STK32B: variants seen among roughly 807,000 people sequenced by gnomAD.
STK32B encodes the protein serine/threonine kinase 32B, also known as serine/threonine-protein kinase 32B.
Under a neutral mutation model 52.6 loss-of-function variants are expected in STK32B, and 43 were observed. That is an observed-to-expected ratio of 0.82 (90% CI 0.64 to 1.05). The LOEUF (loss-of-function observed/expected upper bound fraction) is 1.05. STK32B is among the 50% of genes least tolerant of loss of function. The probability of loss-of-function intolerance (pLI) is 0.00; values close to 1 mark genes in which losing one functional copy is unlikely to be tolerated. For synonymous variants in STK32B, 238 were observed against 204.3 expected (o/e 1.17, Z -1.41); for missense variants, 621 against 534.6 (o/e 1.16, Z -1.59).
intron 4 of STK32B, among the ~76,000 whole-genome samples, chr4:5,342,648 A>ATGTTG (rs1733163721): frequency 6.6e-6 from 1 of 152,142 alleles, no homozygotes; most frequent in Admixed American, 6.5e-5. Flanking sequence ...CCCCACCTCC[A>ATGTTG]ACACTGGAAA....
Position 5,400,113 on chromosome 4 carries a change from G to C in STK32B, c.472+1869G>C, listed in dbSNP as rs528991731. The stretch of plus-strand genomic sequence containing the variant: ...CTAGCCATTGCACTGATGAGGAAAA[G>C]TGACACAGAGAGTATGGGGGTAACC... On this transcript the variant is annotated intron_variant, in intron 5 of 11. Coordinates refer to ENST00000282908, the MANE Select transcript of STK32B (RefSeq NM_018401.3). This position sits in a 1 kb window ranked among gnomAD's most constrained non-coding sequence, Gnocchi z 6.1. 1.3e-5 allele frequency among the ~76,000 whole-genome samples: 2 copies of C among 152,170 alleles called. No homozygotes were observed. Among genetic ancestry groups the C allele is most frequent in the South Asian group, 4.1e-4 (2 of 4,824 alleles).
At chr4:5,271,789 G>T in intron 3 of STK32B, among the ~76,000 whole-genome samples, 1 of 139,460 alleles carries the variant, frequency 7.2e-6, no homozygotes, top group Non-Finnish European at 1.5e-5. Context: ...GTTCACTCAT[G>T]ATTTGGCTCT....
At chr4:5,270,077 C>G (rs1204193323) in intron 3 of STK32B, among the ~76,000 whole-genome samples, 3 of 152,172 alleles carry the variant, frequency 2.0e-5, no homozygotes, top group South Asian at 4.2e-4. Flanking sequence ...GTAAAAAACT[C>G]AAGAAATTTG....
At chr4:5,404,670 C>T (rs1737534056) in intron 5 of STK32B, among the ~76,000 whole-genome samples, 1 of 151,906 alleles carries the variant, frequency 6.6e-6, no homozygotes. Flanking sequence ...AAATCATCAT[C>T]CCACTCAGGC....
In STK32B at chr4:5,492,823, G is replaced by A. The variant is rs868266613; in HGVS notation, c.1107-6122G>A. ...TTTGTCAAAGGCCTTTTCTGCATCT[G>A]TTGAGATAATCATGTGGTTTTTGTC... On this transcript the variant is annotated intron_variant, in intron 11 of 11. Transcript: ENST00000282908. 6.2e-4 allele frequency among the ~76,000 whole-genome samples: 93 copies of A among 150,940 alleles called. 2 individuals carry two copies. The highest frequency in any genetic ancestry group is 1.8e-3 in the African/African-American group (73 of 40,488).
At chr4:5,094,886 G>A (rs1466425001) in intron 1 of STK32B, among the ~76,000 whole-genome samples, 2 of 152,174 alleles carry the variant, frequency 1.3e-5, no homozygotes, top group Admixed American at 6.5e-5. Flanking sequence ...AATCAACAGT[G>A]CAATCTTAGG....
rs534361330 is a variant in STK32B, at chr4:5,335,548, T to G, written c.434+4155T>G. 8.5e-3 allele frequency among the ~76,000 whole-genome samples: 1,294 copies of G among 151,860 alleles called. 17 individuals are homozygous for G. The highest frequency in any genetic ancestry group is 0.03 in the African/African-American group (1,219 of 41,254). On this transcript the variant is annotated intron_variant, in intron 4 of 11. Coordinates refer to ENST00000282908, the MANE Select transcript of STK32B (RefSeq NM_018401.3). ...TTTGAATGTGGTTGCTCTTGCTTTT[T>G]TAGTTCTTTAAATTGTGATGTTAGG... is the stretch of plus-strand genomic sequence containing the variant.
rs1335135034 is a variant in STK32B at position 5,469,836 on chromosome 4, G to A, written c.1106+1766G>A. On this transcript the variant is annotated intron_variant, in intron 11 of 11. Transcript: ENST00000282908. This position sits in a 1 kb window ranked among gnomAD's most constrained non-coding sequence, Gnocchi z 4.7. Reference sequence around the variant, plus strand: ...GGGGCTGATGTCGTGAGTGGTTTCGGAGCTTATCCCAATTTGCCTGTGGTC... The same window carrying A: ...GGGGCTGATGTCGTGAGTGGTTTCGAAGCTTATCCCAATTTGCCTGTGGTC... Among the ~76,000 whole-genome samples, 4 of 152,186 alleles carry A rather than the reference G, an allele frequency of 2.6e-5. No individual in the cohort carries two copies. The highest frequency in any genetic ancestry group is 5.9e-5 in the Non-Finnish European group (4 of 68,030).
In STK32B at chr4:5,380,790, C is replaced by T. The variant is rs1307761016; in HGVS notation, c.435-17417C>T. ...AGCTGACACTGCTGTTACCTACAAT[C>T]ATGCAGTCCTTACAACAGCCTACAA... On this transcript the variant is annotated intron_variant, in intron 4 of 11. Coordinates refer to ENST00000282908, the MANE Select transcript of STK32B (RefSeq NM_018401.3). The surrounding 1 kb of genome is among the most constrained non-coding windows in gnomAD (Gnocchi z 4.3). 6.6e-6 allele frequency among the ~76,000 whole-genome samples: 1 copy of T among 152,180 alleles called. No individual in the cohort carries two copies. Among genetic ancestry groups the T allele is most frequent in the Non-Finnish European group, 1.5e-5 (1 of 68,026 alleles).
chr4:5,020,395 G>A, the STK32B span, among the ~76,000 whole-genome samples: 1 of 152,222 alleles, frequency 6.6e-6, no homozygotes, highest in East Asian at 1.9e-4. Context: ...ACAGGATATA[G>A]CATGACTGAG....
At chr4:5,406,190 C>T (rs1006970386) in intron 5 of STK32B, among the ~76,000 whole-genome samples, 4 of 152,184 alleles carry the variant, frequency 2.6e-5, no homozygotes, top group Non-Finnish European at 5.9e-5. Flanking sequence ...CCAAAATAAT[C>T]TTTGACTCCA....
chr4:5,232,422 G>T (rs1297113427), intron 3 of STK32B, among the ~76,000 whole-genome samples: 1 of 152,192 alleles, frequency 6.6e-6, no homozygotes, highest in African/African-American at 2.4e-5. Flanking sequence ...CACTGCTAAT[G>T]CAACTGTGAT....
At chr4:5,141,324 A>G (rs934918209) in intron 2 of STK32B, among the ~76,000 whole-genome samples, 1 of 152,150 alleles carries the variant, frequency 6.6e-6, no homozygotes, top group Non-Finnish European at 1.5e-5. Flanking sequence ...GCAAAGGAGG[A>G]AGACAGGCAA....
chr4:5,232,914 TCCC>T (rs149284197), intron 3 of STK32B, among the ~76,000 whole-genome samples: 4,083 of 152,192 alleles, frequency 0.027, 65 homozygotes, highest in Non-Finnish European at 0.042. Flanking sequence ...AGGCACTTAT[TCCC>T]TAGCTCCTTG....
At chr4:5,448,256 A>G (rs1171513188) in intron 7 of STK32B, among the ~76,000 whole-genome samples, 3 of 152,242 alleles carry the variant, frequency 2.0e-5, no homozygotes, top group Non-Finnish European at 2.9e-5. Context: ...CTGAATGAAA[A>G]GAATTAATGT....
intron 1 of STK32B, among the ~76,000 whole-genome samples, chr4:5,105,798 A>T (rs145978187): frequency 0.017 from 2,554 of 151,744 alleles, 70 homozygotes; most frequent in African/African-American, 0.058. Flanking sequence ...CTCCTGACCT[A>T]GTGATCCACC....
chr4:5,236,092 A>G (rs948428348), intron 3 of STK32B, among the ~76,000 whole-genome samples: 2 of 152,192 alleles, frequency 1.3e-5, no homozygotes, highest in South Asian at 2.1e-4. Flanking sequence ...TGGCATGTCA[A>G]TTATGGTGCA....
intron 2 of STK32B, among the ~76,000 whole-genome samples, chr4:5,160,759 A>G (rs1718377491): frequency 6.6e-6 from 1 of 152,210 alleles, no homozygotes; most frequent in Admixed American, 6.5e-5. Context: ...ACAACTCAGT[A>G]GGGGGAGTGG....
At chr4:5,043,822 G>C in the STK32B span, among the ~76,000 whole-genome samples, 2 of 152,244 alleles carry the variant, frequency 1.3e-5, no homozygotes, top group African/African-American at 4.8e-5. Context: ...GGAACATGTA[G>C]TCCCTATCCC....
Sources: allele counts gnomAD v4.1 joint callset (sites outside exome capture counted in the v4.1 genomes callset), GRCh38; gene constraint gnomAD v4.1.1; non-coding constraint Gnocchi (gnomAD v3.1); transcripts MANE v1.5; gene names NCBI Gene and HGNC (gene_info 2026-07-23, HGNC 2026-07-21).